LYPD6B: variants seen among roughly 807,000 people sequenced by gnomAD.
The protein encoded by LYPD6B is LY6/PLAUR domain containing 6B, also known as ly6/PLAUR domain-containing protein 6B.
Under a neutral mutation model 22.8 loss-of-function variants are expected in LYPD6B, and 17 were observed. The ratio of observed to expected loss-of-function variants is 0.75; its 90% confidence interval spans 0.51 to 1.12. The LOEUF (loss-of-function observed/expected upper bound fraction) is 1.12. Ranked by LOEUF, LYPD6B falls within the 50% of genes most tolerant of loss-of-function variation. The pLI is 0.00. For synonymous variants in LYPD6B, 106 were observed against 91.6 expected, an observed-to-expected ratio of 1.16 and a Z score of -0.90; for missense variants, 221 against 258.3, an observed-to-expected ratio of 0.86 and a Z score of 0.99.
chr2:149,115,596 C>G (rs1317643627), intron 1 of LYPD6B, among the ~76,000 whole-genome samples: 1 of 152,182 alleles, frequency 6.6e-6, no homozygotes, highest in Non-Finnish European at 1.5e-5. Context: ...TGTTAGGACT[C>G]TCTTCCTCTG....
intron 1 of LYPD6B, among the ~76,000 whole-genome samples, chr2:149,071,836 T>C (rs1574913914): frequency 1.3e-5 from 2 of 152,214 alleles, no homozygotes; most frequent in African/African-American, 4.8e-5. Flanking sequence ...ATTTTAAAGA[T>C]TGGGAGGCAA....
At chr2:149,103,021 G>A (rs1686286948) in intron 1 of LYPD6B, among the ~76,000 whole-genome samples, 1 of 152,176 alleles carries the variant, frequency 6.6e-6, no homozygotes, top group Non-Finnish European at 1.5e-5. Context: ...TCCCACACAT[G>A]AATATACTTC....
chr2:149,120,782 GTCTT>G (rs1687297207), intron 1 of LYPD6B, among the ~76,000 whole-genome samples: 1 of 85,812 alleles, frequency 1.2e-5, no homozygotes, highest in Admixed American at 1.4e-4. Context: ...ATGCTACAAA[GTCTT>G]TTTTTTTTTT....
chr2:149,170,246 T>A (rs1291831420), intron 3 of LYPD6B, among the ~76,000 whole-genome samples: 1 of 152,236 alleles, frequency 6.6e-6, no homozygotes. Context: ...TGTTGCATGT[T>A]AACCACTCAG....
chr2:149,119,121 C>CGGA lies in LYPD6B; in HGVS notation c.-66-11762_-66-11761insGGA, dbSNP rs1451263266. ...CACTCAGATTATCGCGGAACACCTG[C>CGGA]CCATTAATCTTGACCCTGTTAAAAC... On this transcript the variant is annotated intron_variant, in intron 1 of 6. Coordinates refer to ENST00000409642, the MANE Select transcript of LYPD6B (RefSeq NM_177964.5). 1.9e-3 allele frequency: 293 copies of CGGA among 152,250 alleles called. 1 individual carries two copies. The highest frequency in any genetic ancestry group is 6.8e-3 in the African/African-American group (281 of 41,552). The allele number at this position is 152,250 out of a possible 1,614,324, so 9.4% of individuals were successfully genotyped here.
chr2:149,186,784 G>A (rs750257788), intron 3 of LYPD6B, among the ~76,000 whole-genome samples: 1 of 152,188 alleles, frequency 6.6e-6, no homozygotes, highest in Non-Finnish European at 1.5e-5. Context: ...CAGTGACAGG[G>A]TTTGAGAGGA....
chr2:149,106,710 A>G (rs890933451), intron 1 of LYPD6B, among the ~76,000 whole-genome samples: 11 of 152,018 alleles, frequency 7.2e-5, no homozygotes, highest in Admixed American at 3.3e-4. Context: ...TTATGAAATG[A>G]TTGATCTCAA....
intron 3 of LYPD6B, among the ~76,000 whole-genome samples, chr2:149,196,035 G>A (rs919650026): frequency 4.6e-5 from 7 of 152,100 alleles, no homozygotes; most frequent in Admixed American, 1.3e-4. Flanking sequence ...ACCATGAACC[G>A]TATCGTGAAC....
rs560451772 is a variant in LYPD6B, at chr2:149,158,609, T to G, written c.6-2155T>G. On this transcript the variant is annotated intron_variant, in intron 2 of 6. Coordinates refer to ENST00000409642, the MANE Select transcript of LYPD6B (RefSeq NM_177964.5). Reference sequence around the variant, plus strand: ...TGGGAATGGATCATGGTGATGGTTATACAACACTGTGAATGTACTGAATGC... The same window carrying G: ...TGGGAATGGATCATGGTGATGGTTAGACAACACTGTGAATGTACTGAATGC... Among the ~76,000 whole-genome samples, 7 of 152,282 alleles carry G rather than the reference T, an allele frequency of 4.6e-5. No individual in the cohort carries two copies. The South Asian group carries it at 1.5e-3, about 32-fold the overall frequency.
At chr2:149,069,802 G>A (rs1684515307) in intron 1 of LYPD6B, among the ~76,000 whole-genome samples, 1 of 151,968 alleles carries the variant, frequency 6.6e-6, no homozygotes, top group African/African-American at 2.4e-5. Flanking sequence ...GTGAGGCCTG[G>A]TTCCAGTCCT....
intron 1 of LYPD6B, among the ~76,000 whole-genome samples, chr2:149,091,212 T>C (rs1685633371): frequency 6.6e-6 from 1 of 152,062 alleles, no homozygotes; most frequent in Admixed American, 6.6e-5. Flanking sequence ...GCTGCCTCTG[T>C]GAAATCGGGG....
At chr2:149,062,551 A>C (rs1041367891) in intron 1 of LYPD6B, among the ~76,000 whole-genome samples, 3 of 152,188 alleles carry the variant, frequency 2.0e-5, no homozygotes, top group Admixed American at 2.0e-4. Flanking sequence ...GAACCCAGAA[A>C]AGCTTACGTT....
intron 1 of LYPD6B, among the ~76,000 whole-genome samples, chr2:149,099,453 G>A (rs895979334): frequency 4.0e-5 from 6 of 151,310 alleles, no homozygotes; most frequent in Admixed American, 2.0e-4. Context: ...TGGTCCCCTC[G>A]TACCTAGGAT....
chr2:149,139,198 C>A (rs529723532), intron 2 of LYPD6B, among the ~76,000 whole-genome samples: 10 of 152,292 alleles, frequency 6.6e-5, no homozygotes, highest in African/African-American at 2.4e-4. Flanking sequence ...AGCCCCTATG[C>A]TTTGGATGCT....
At chr2:149,183,893 A>C (rs1292018839) in intron 3 of LYPD6B, among the ~76,000 whole-genome samples, 1 of 151,006 alleles carries the variant, frequency 6.6e-6, no homozygotes, top group Non-Finnish European at 1.5e-5. Flanking sequence ...CTGTATTTTC[A>C]GTTTTAAAAC....
chr2:149,202,366 G>C (rs1693219048), intron 3 of LYPD6B, among the ~76,000 whole-genome samples: 1 of 152,094 alleles, frequency 6.6e-6, no homozygotes, highest in African/African-American at 2.4e-5. Context: ...CACACTGGCT[G>C]CTTTTTTTGA....
At chr2:149,201,307 T>C (rs990097460) in intron 3 of LYPD6B, among the ~76,000 whole-genome samples, 1 of 152,192 alleles carries the variant, frequency 6.6e-6, no homozygotes, top group South Asian at 2.1e-4. Flanking sequence ...GTAACACTGC[T>C]CTATGTGATG....
chr2:149,050,986 A>G (rs1683524970), intron 1 of LYPD6B, among the ~76,000 whole-genome samples: 1 of 152,058 alleles, frequency 6.6e-6, no homozygotes, highest in East Asian at 1.9e-4. Flanking sequence ...CCACACAGAA[A>G]TAGTCACGGT....
Position 149,214,584 on chromosome 2 carries a change from A to G in LYPD6B, c.498A>G (p.Val166=). 5 of 1,613,932 alleles carry G rather than the reference A, an allele frequency of 3.1e-6. No individual in the cohort carries two copies. The highest frequency in any genetic ancestry group is 4.2e-6 in the Non-Finnish European group (5 of 1,179,854). The change falls in exon 7 of 7, where the codon GTA becomes GTG. Residue 166 remains valine (V), a synonymous_variant. Transcript: ENST00000409642. ...RSCCEGMICN[V]ELPTNHTNAV... The stretch of plus-strand genomic sequence containing the variant: ...GCTGTGAAGGAATGATCTGCAATGT[A>G]GAATTACCCACCAATCACACTAATG...
Sources: allele counts gnomAD v4.1 joint callset (sites outside exome capture counted in the v4.1 genomes callset), GRCh38; gene constraint gnomAD v4.1.1; transcripts MANE v1.5; gene names NCBI Gene and HGNC (gene_info 2026-07-23, HGNC 2026-07-21).